The following DRD4 variants were observed in gnomAD, a reference collection of about 807,000 sequenced individuals.
The protein encoded by DRD4 is D(4) dopamine receptor.
In DRD4, 26 loss-of-function variants were observed where a neutral mutation model predicts 22.1. The observed-to-expected ratio is 1.17, with a 90% CI of 0.86 to 1.63. The LOEUF (loss-of-function observed/expected upper bound fraction) is 1.63, where lower values mean the gene tolerates loss of function less well. Among genes scored for constraint, DRD4 ranks in the 40% most tolerant of loss-of-function variants. The pLI is 0.00. For synonymous variants in DRD4, 455 were observed against 306.7 expected, an observed-to-expected ratio of 1.48 and a Z score of -5.05; for missense variants, 913 against 632.4, an observed-to-expected ratio of 1.44 and a Z score of -4.76.
chr11:639,589 G>C (rs1386750358), intron 2 of DRD4, 44 bp downstream of exon 2: 3 of 1,281,566 alleles, frequency 2.3e-6, no homozygotes. Context: ...CCCGCGCCCC[G>C]CCCGCCGCCC....
At position 639,857 on chromosome 11, in the gene DRD4, TA is replaced by T. The variant is rs1179164541; in HGVS notation, c.609del (p.Cys205AlafsTer141). The part of the protein sequence containing the change: ...VVYSSVCSFF[L>X]PCPLMLLLYW... ...TACTCGTCCGTGTGCTCCTTCTTCC[TA>T]CCCTGCCCGCTCATGCTGCTGCTCT... is the stretch of plus-strand genomic sequence containing the variant. On this transcript the variant is annotated frameshift_variant, in exon 3 of 4. Transcript: ENST00000176183. LOFTEE classifies it high-confidence loss of function. 1.3e-6 allele frequency: 2 copies of T among 1,584,000 alleles called. No homozygotes were observed. The highest frequency in any genetic ancestry group is 4.5e-5 in the East Asian group (2 of 43,982).
At chr11:639,577 C>T (rs542631120) in intron 2 of DRD4, 32 bp downstream of exon 2, 16 of 1,338,558 alleles carry the variant, frequency 1.2e-5, no homozygotes, top group African/African-American at 1.6e-5. Context: ...CGCCCCGGCG[C>T]CCCCGCGCCC....
At position 640,646 on chromosome 11, in the gene DRD4, C is replaced by T. The variant is rs1858222625; in HGVS notation, c.*43C>T. On this transcript the variant is annotated 3_prime_UTR_variant, in exon 4 of 4. Coordinates refer to ENST00000176183, the MANE Select transcript of DRD4 (RefSeq NM_000797.4). ...GCCCCCCGGCCTGATGGCCAGGCCT[C>T]AGGGACCAAGGAGATGGGGAGGGCG... 1 of 1,595,302 alleles carries T rather than the reference C, an allele frequency of 6.3e-7. No individual in the cohort carries two copies. Among genetic ancestry groups the T allele is most frequent in the East Asian group, 2.2e-5 (1 of 44,832 alleles).
rs773676450 is a variant in DRD4 at position 640,408 on chromosome 11, C to T, written c.1065C>T (p.Phe355=). 6 of 1,599,516 alleles carry T rather than the reference C, an allele frequency of 3.8e-6. No homozygotes were observed. Among genetic ancestry groups the T allele is most frequent in the South Asian group, 3.3e-5 (3 of 91,046 alleles). ...MRVLPVVVGA[F]LLCWTPFFVV... is the part of the protein sequence containing the mutation. ...GGCTCTCGGCGCCCCCAGGGGCCTT[C>T]CTGCTGTGCTGGACGCCCTTCTTCG... The change falls in exon 4 of 4, where the codon TTC becomes TTT. Residue 355 remains phenylalanine, a synonymous_variant. Transcript: ENST00000176183.
rs1414349299 is a variant in DRD4, at chr11:637,283, T to C, written c.-22T>C. 1.7e-6 allele frequency: 2 copies of C among 1,183,532 alleles called. No individual in the cohort carries two copies. Among genetic ancestry groups the C allele is most frequent in the Non-Finnish European group, 2.1e-6 (2 of 957,622 alleles). The allele number at this position is 1,183,532 out of a possible 1,614,324, so 73.3% of individuals were successfully genotyped here. On this transcript the variant is annotated 5_prime_UTR_variant, in exon 1 of 4. Coordinates refer to ENST00000176183, the MANE Select transcript of DRD4 (RefSeq NM_000797.4). ...TGCGACCCGGCGTTGTCCGCGGTGC[T>C]CAGCGCCCGCCCGGGCGCGCCATGG...
chr11:637,490 G>T lies in DRD4; in HGVS notation c.186G>T (p.Glu62Asp), dbSNP rs760733863. 6.5e-7 allele frequency: 1 copy of T among 1,547,714 alleles called. No homozygotes were observed. The highest frequency in any genetic ancestry group is 1.2e-5 in the South Asian group (1 of 84,580). The change falls in exon 1 of 4, where the codon GAG (glutamate) becomes GAT (aspartate). Residue 62 changes from glutamate to aspartate, a missense_variant. Transcript: ENST00000176183. ...NSLVCVSVATERALQTPTNSF... is the reference protein window; with the variant it reads ...NSLVCVSVATDRALQTPTNSF... ...TCGTGTGCGTGAGCGTGGCCACCGAGCGCGCCCTGCAGACGCCCACCAACT... is the reference window on the plus strand; with the variant it reads ...TCGTGTGCGTGAGCGTGGCCACCGATCGCGCCCTGCAGACGCCCACCAACT...
At chr11:638,978 GGA>G (rs1740385069) in intron 1 of DRD4, 1 of 170,970 alleles carries the variant, frequency 5.8e-6, no homozygotes, top group Non-Finnish European at 1.3e-5. Context: ...GCTATTCGGG[GGA>G]GCTGAGGCGG....
At chr11:640,339 G>C (rs773478489) in intron 3 of DRD4, 33 bp downstream of exon 3, 54 of 1,537,194 alleles carry the variant, frequency 3.5e-5, no homozygotes, top group Non-Finnish European at 4.6e-5. Flanking sequence ...GGGGAGGAGA[G>C]GAGGGGGGGG....
chr11:639,298 C>T (rs1419014236), intron 1 of DRD4, 135 bp from the exon 2 acceptor site: 4 of 801,848 alleles, frequency 5.0e-6, no homozygotes, highest in East Asian at 2.8e-5. Context: ...TTTCCCTGCC[C>T]GGTCCTCTGG....
Position 639,953 on chromosome 11 carries a change from C to T in DRD4, c.704C>T (p.Pro235Leu), listed in dbSNP as rs749148021. ...CGCGCCAAGCTGCACGGCCGCGCGC[C>T]CCGCCGACCCAGCGGCCCTGGCCCG... is the stretch of plus-strand genomic sequence containing the variant. ...ARRAKLHGRA[P>L]RRPSGPGPPS... The change falls in exon 3 of 4, where the codon CCC becomes CTC. Residue 235 changes from proline (P) to leucine (L), a missense_variant. Coordinates refer to ENST00000176183, the MANE Select transcript of DRD4 (RefSeq NM_000797.4). 3 of 1,499,726 alleles carry T rather than the reference C, an allele frequency of 2.0e-6. No individual in the cohort carries two copies. Among genetic ancestry groups the T allele is most frequent in the Non-Finnish European group, 8.8e-7 (1 of 1,130,700 alleles). The allele number at this position is 1,499,726 out of a possible 1,614,324, so 92.9% of individuals were successfully genotyped here.
chr11:639,660 G>T lies in DRD4; in HGVS notation c.411G>T (p.Val137=). Residue 137 remains valine (V), a synonymous_variant, in exon 3 of 4, where the codon GTG becomes GTT. Coordinates refer to ENST00000176183, the MANE Select transcript of DRD4 (RefSeq NM_000797.4). ...CAISVDRFVA[V]AVPLRYNRQG... ...GCGCTCCCCGCAGGTTCGTGGCCGTGGCCGTGCCGCTGCGCTACAACCGGC... is the reference window on the plus strand; with the variant it reads ...GCGCTCCCCGCAGGTTCGTGGCCGTTGCCGTGCCGCTGCGCTACAACCGGC... 2 of 1,462,244 alleles carry T rather than the reference G, an allele frequency of 1.4e-6. No homozygotes were observed. The highest frequency in any genetic ancestry group is 1.8e-6 in the Non-Finnish European group (2 of 1,111,358). The allele number at this position is 1,462,244 out of a possible 1,614,324, so 90.6% of individuals were successfully genotyped here.
Position 640,604 on chromosome 11 carries a change from GC to G in DRD4, c.*3del. The G allele has an allele frequency of 6.3e-7, 1 of 1,599,228 alleles. No individual in the cohort carries two copies. The highest frequency in any genetic ancestry group is 8.5e-7 in the Non-Finnish European group (1 of 1,179,788). ...CAAGGCCCTGCGTGCCTGCTGCTGA[GC>G]CGGGCACCCCCGGACGCCCCCCGGC... On this transcript the variant is annotated 3_prime_UTR_variant, in exon 4 of 4. Coordinates refer to ENST00000176183, the MANE Select transcript of DRD4 (RefSeq NM_000797.4).
rs1345274289 is a variant in DRD4, at chr11:640,464, C to A, written c.1121C>A (p.Ala374Asp). ...CACATCACGCAGGCGCTGTGTCCTGCCTGCTCCGTGCCCCCGCGGCTGGTC... is the reference window on the plus strand; with the variant it reads ...CACATCACGCAGGCGCTGTGTCCTGACTGCTCCGTGCCCCCGCGGCTGGTC... The part of the protein sequence containing the change: ...VVHITQALCP[A>D]CSVPPRLVSA... Residue 374 changes from alanine (A) to aspartate (D), a missense_variant, in exon 4 of 4, where the codon GCC (alanine) becomes GAC (aspartate). Physicochemically the swap from Ala to Asp is moderately radical, Grantham distance 126. Coordinates refer to ENST00000176183, the MANE Select transcript of DRD4 (RefSeq NM_000797.4). The A allele has an allele frequency of 6.2e-7, 1 of 1,602,198 alleles. No homozygotes were observed. Among genetic ancestry groups the A allele is most frequent in the Non-Finnish European group, 8.5e-7 (1 of 1,179,808 alleles).
At chr11:639,588 CGCCCGCCGCCCTCACCGCGGCCT>C in intron 2 of DRD4, 37 bp from the exon 3 acceptor site, 2 of 1,290,634 alleles carry the variant, frequency 1.5e-6, no homozygotes, top group Non-Finnish European at 2.0e-6. Context: ...CCCCGCGCCC[CGCCCGCCGCCCTCACCGCGGCCT>C]GTGCGCTGTC....
rs951030256 is a variant in DRD4, at chr11:639,724, A to G, written c.475A>G (p.Thr159Ala). 6.6e-7 allele frequency: 1 copy of G among 1,512,324 alleles called. No individual in the cohort carries two copies. The allele number at this position is 1,512,324 out of a possible 1,614,324, so 93.7% of individuals were successfully genotyped here. The stretch of plus-strand genomic sequence containing the variant: ...CCGGCAGCTGCTGCTCATCGGCGCC[A>G]CGTGGCTGCTGTCCGCGGCGGTGGC... Reference protein sequence around the residue: ...SRRQLLLIGATWLLSAAVAAP... With the variant: ...SRRQLLLIGAAWLLSAAVAAP... Residue 159 changes from threonine (T) to alanine (A), a missense_variant, in exon 3 of 4, where the codon ACG becomes GCG. Thr to Ala is a moderately conservative substitution (Grantham distance 58). Transcript: ENST00000176183.
chr11:639,394 T>A (rs368626732), intron 1 of DRD4, 39 bp from the exon 2 acceptor site: 10 of 1,542,472 alleles, frequency 6.5e-6, no homozygotes, highest in Non-Finnish European at 8.7e-7. Flanking sequence ...GGGCCCGCGG[T>A]GGCTGGGAAA....
rs1420484856 is a variant in DRD4 at position 639,774 on chromosome 11, C to T, written c.525C>T (p.Asn175=). Residue 175 remains asparagine, a synonymous_variant, in exon 3 of 4, where the codon AAC becomes AAT. Coordinates refer to ENST00000176183, the MANE Select transcript of DRD4 (RefSeq NM_000797.4). ...CGGCGCCCGTACTGTGCGGCCTCAA[C>T]GACGTGCGCGGCCGCGACCCCGCCG... ...AVAAPVLCGL[N]DVRGRDPAVC... is the part of the protein sequence containing the mutation. 2 of 1,576,824 alleles carry T rather than the reference C, an allele frequency of 1.3e-6. No individual in the cohort carries two copies. The highest frequency in any genetic ancestry group is 8.5e-7 in the Non-Finnish European group (1 of 1,170,428).
intron 1 of DRD4, among the ~76,000 whole-genome samples, chr11:638,206 T>C (rs1858111677): frequency 6.6e-6 from 1 of 152,222 alleles, no homozygotes; most frequent in African/African-American, 2.4e-5. Flanking sequence ...ACACCAGGTC[T>C]GGCCCTCGAG....
Position 640,090 on chromosome 11 carries a change from G to T in DRD4, c.841G>T (p.Ala281Ser). 2 of 833,690 alleles carry T rather than the reference G, an allele frequency of 2.4e-6. No homozygotes were observed. The highest frequency in any genetic ancestry group is 3.0e-6 in the Non-Finnish European group (2 of 664,492). 51.6% of individuals were successfully genotyped at this position (833,690 alleles called of 1,614,324 possible). A position where few individuals can be genotyped will look rare whatever the true frequency, so the allele number is the denominator to read the frequency against. ...TCCCTGCGGCCCCGACTGTGCGCCC[G>T]CCGCGCCCAGCCTCCCCCAGGACCC... ...RGPCGPDCAP[A>S]APSLPQDPCG... The change falls in exon 3 of 4, where the codon GCC becomes TCC. Residue 281 changes from alanine (A) to serine (S), a missense_variant. Transcript: ENST00000176183.
Sources: allele counts gnomAD v4.1 joint callset (sites outside exome capture counted in the v4.1 genomes callset), GRCh38; gene constraint gnomAD v4.1.1; transcripts MANE v1.5; gene names NCBI Gene and HGNC (gene_info 2026-07-23, HGNC 2026-07-21).